The following ROBO2 variants were observed in gnomAD, a reference collection of about 807,000 sequenced individuals.
The protein encoded by ROBO2 is roundabout homolog 2.
In ROBO2, 53 loss-of-function variants were observed where a neutral mutation model predicts 160.8. The ratio of observed to expected loss-of-function variants is 0.33; its 90% CI spans 0.26 to 0.41. The LOEUF (loss-of-function observed/expected upper bound fraction) is 0.41. Among genes scored for constraint, ROBO2 ranks in the 10% least tolerant of loss-of-function variants. The pLI is 1.00. For missense variants in ROBO2, 1,577 were observed against 1,722.4 expected (o/e 0.92, Z 1.49); for synonymous variants, 664 against 611.7 (o/e 1.09, Z -1.26).
intron 2 of ROBO2, among the ~76,000 whole-genome samples, chr3:76,737,776 A>G (rs572360564): frequency 6.6e-6 from 1 of 152,318 alleles, no homozygotes; most frequent in South Asian, 2.1e-4. Flanking sequence ...TAAAAGTAGA[A>G]GCAATCTATT....
chr3:77,529,308 G>A (rs2091446834), intron 6 of ROBO2, among the ~76,000 whole-genome samples: 1 of 151,494 alleles, frequency 6.6e-6, no homozygotes, highest in Non-Finnish European at 1.5e-5. Context: ...AAGATATTAA[G>A]CATTACAGTA....
intron 2 of ROBO2, among the ~76,000 whole-genome samples, chr3:76,566,542 C>G (rs2084535481): frequency 6.6e-6 from 1 of 152,136 alleles, no homozygotes; most frequent in Non-Finnish European, 1.5e-5. Context: ...AATAAAGAAT[C>G]TAGTTTAGTT....
intron 2 of ROBO2, among the ~76,000 whole-genome samples, chr3:77,393,817 A>G (rs2074993052): frequency 6.6e-6 from 1 of 151,908 alleles, no homozygotes; most frequent in Non-Finnish European, 1.5e-5. Flanking sequence ...GTTGTTTCTT[A>G]CAATGAAATC....
intron 2 of ROBO2, among the ~76,000 whole-genome samples, chr3:76,339,385 A>T (rs1447266631): frequency 1.3e-5 from 2 of 152,162 alleles, no homozygotes; most frequent in Non-Finnish European, 2.9e-5. Context: ...GTGGAATATA[A>T]ATAATATAAA....
intron 9 of ROBO2, among the ~76,000 whole-genome samples, chr3:77,560,380 A>C (rs1235021187): frequency 6.6e-6 from 1 of 152,184 alleles, no homozygotes; most frequent in South Asian, 2.1e-4. Flanking sequence ...TAAAGGAATA[A>C]AATTAAAGGA....
chr3:77,330,785 T>C (rs2065895349), intron 2 of ROBO2, among the ~76,000 whole-genome samples: 1 of 152,204 alleles, frequency 6.6e-6, no homozygotes, highest in Non-Finnish European at 1.5e-5. Flanking sequence ...ACTTTGCTTA[T>C]TTATCGTTGA....
At chr3:77,054,926 GTA>G (rs1327322104) in intron 1 of ROBO2, among the ~76,000 whole-genome samples, 1,493 of 71,620 alleles carry the variant, frequency 0.021, 23 homozygotes, top group African/African-American at 0.056. Context: ...AATCTCGCGT[GTA>G]TGTGTGTGTG....
rs193078456 is a variant in ROBO2 at position 76,031,958 on chromosome 3, A to G, written c.109+94356A>G. Among the ~76,000 whole-genome samples, 144 of 152,148 alleles carry G rather than the reference A, an allele frequency of 9.5e-4. No homozygotes were observed. In the Middle Eastern group the frequency reaches 0.01, roughly 11 times the overall value. ...AGGAATGGTACCAGCTCCTCTTTGTACCTCTGGTAGAATTCAGCTGTGAAT... is the reference window on the plus strand; with the variant it reads ...AGGAATGGTACCAGCTCCTCTTTGTGCCTCTGGTAGAATTCAGCTGTGAAT... On this transcript the variant is annotated intron_variant, in intron 2 of 26. Coordinates refer to the ROBO2 transcript ENST00000487694.
chr3:77,393,171 T>C (rs2074920999), intron 2 of ROBO2, among the ~76,000 whole-genome samples: 2 of 152,216 alleles, frequency 1.3e-5, no homozygotes, highest in Non-Finnish European at 2.9e-5. Context: ...TTTATTGATA[T>C]AATATCAATT....
chr3:77,062,216 G>T (rs1241267603), intron 1 of ROBO2, among the ~76,000 whole-genome samples: 1 of 152,084 alleles, frequency 6.6e-6, no homozygotes, highest in East Asian at 1.9e-4. Flanking sequence ...CTCTAGAAAA[G>T]CACAGGTTCC....
chr3:76,298,032 C>A (rs1205867975), intron 2 of ROBO2, among the ~76,000 whole-genome samples: 1 of 152,052 alleles, frequency 6.6e-6, no homozygotes, highest in Admixed American at 6.6e-5. Flanking sequence ...CTTAGAGATC[C>A]CTAGGAAAAT....
At chr3:77,409,377 T>A (rs1166692581) in intron 2 of ROBO2, among the ~76,000 whole-genome samples, 1 of 152,132 alleles carries the variant, frequency 6.6e-6, no homozygotes, top group African/African-American at 2.4e-5. Context: ...CTATAGGCTT[T>A]AAAATTAAAT....
chr3:77,481,642 C>G (rs560753678), intron 4 of ROBO2, among the ~76,000 whole-genome samples: 50 of 152,198 alleles, frequency 3.3e-4, no homozygotes, highest in African/African-American at 1.2e-3. Flanking sequence ...GAAATTCAAA[C>G]TGAAGTATTT....
At chr3:77,112,600 A>C (rs370525806) in intron 2 of ROBO2, among the ~76,000 whole-genome samples, 9 of 152,068 alleles carry the variant, frequency 5.9e-5, no homozygotes, top group East Asian at 3.9e-4. Context: ...AAGGAATAGG[A>C]ATTATTGTTC....
chr3:76,860,205 CTA>C (rs2070599163), intron 2 of ROBO2, among the ~76,000 whole-genome samples: 1 of 152,146 alleles, frequency 6.6e-6, no homozygotes, highest in Non-Finnish European at 1.5e-5. Flanking sequence ...GTGCCTGATG[CTA>C]TTCCCACTAT....
At chr3:77,363,414 G>T (rs955881439) in intron 2 of ROBO2, among the ~76,000 whole-genome samples, 1 of 152,070 alleles carries the variant, frequency 6.6e-6, no homozygotes, top group African/African-American at 2.4e-5. Context: ...TCCATAAGGG[G>T]TCAGATAGTA....
intron 2 of ROBO2, among the ~76,000 whole-genome samples, chr3:76,927,182 T>C (rs80213149): frequency 0.027 from 4,085 of 152,240 alleles, 150 homozygotes; most frequent in African/African-American, 0.092. Flanking sequence ...CTAATTTTCA[T>C]TGGATTCAAA....
At chr3:77,480,233 A>G (rs1279047472) in intron 3 of ROBO2, among the ~76,000 whole-genome samples, 1 of 151,954 alleles carries the variant, frequency 6.6e-6, no homozygotes, top group East Asian at 1.9e-4. Context: ...GAAAACCAAC[A>G]TGTTCTTATC....
At chr3:76,803,337 AAGG>A (rs920912245) in intron 2 of ROBO2, among the ~76,000 whole-genome samples, 5 of 151,786 alleles carry the variant, frequency 3.3e-5, no homozygotes, top group Non-Finnish European at 5.9e-5. Context: ...CTAACCTGAA[AAGG>A]AGGAGGAGGA....
Sources: allele counts gnomAD v4.1 joint callset (sites outside exome capture counted in the v4.1 genomes callset), GRCh38; gene constraint gnomAD v4.1.1; transcripts MANE v1.5; gene names NCBI Gene and HGNC (gene_info 2026-07-23, HGNC 2026-07-21).